The following SMCO4 variants were observed in gnomAD, a reference collection of about 807,000 sequenced individuals.
The protein encoded by SMCO4 is single-pass membrane protein with coiled-coil domains 4.
SMCO4 carries 4 observed loss-of-function variants against 3.6 expected under a neutral mutation model. The ratio of observed to expected loss-of-function variants is 1.11; its 90% CI spans 0.54 to 2.53. The LOEUF (loss-of-function observed/expected upper bound fraction) is 2.53. Ranked by LOEUF, SMCO4 falls within the 30% of genes most tolerant of loss-of-function variation. SMCO4 has a pLI of 0.02. For synonymous variants in SMCO4, 36 were observed against 35.3 expected, an observed-to-expected ratio of 1.02 and a Z score of -0.07; for missense variants, 70 against 80.8, an observed-to-expected ratio of 0.87 and a Z score of 0.51.
the SMCO4 span, among the ~76,000 whole-genome samples, chr11:93,549,451 TA>T: frequency 1.1e-3 from 165 of 152,206 alleles, 1 homozygote; most frequent in Middle Eastern, 6.8e-3. Flanking sequence ...AGGAAAGAGG[TA>T]AAAAAAATTT....
At chr11:93,500,977 G>C (rs1324769515) in intron 1 of SMCO4, among the ~76,000 whole-genome samples, 2 of 152,146 alleles carry the variant, frequency 1.3e-5, no homozygotes, top group Non-Finnish European at 2.9e-5. Flanking sequence ...ACAGCGACAG[G>C]GACACCAGCT....
chr11:93,541,827 T>C (rs1418974645), intron 1 of SMCO4, among the ~76,000 whole-genome samples: 1 of 152,224 alleles, frequency 6.6e-6, no homozygotes, highest in Non-Finnish European at 1.5e-5. Context: ...CTAAGGCTTA[T>C]TTTCTGTGGC....
chr11:93,523,792 G>A (rs1209857212), intron 1 of SMCO4, among the ~76,000 whole-genome samples: 7 of 152,166 alleles, frequency 4.6e-5, no homozygotes, highest in African/African-American at 7.2e-5. Context: ...TTCTAAAATC[G>A]TGTTTTGGCA....
chr11:93,550,936 A>G, the SMCO4 span, among the ~76,000 whole-genome samples: 1 of 152,172 alleles, frequency 6.6e-6, no homozygotes, highest in Non-Finnish European at 1.5e-5. Context: ...ATTTTTTAAC[A>G]TCAAAGGTGT....
intron 2 of SMCO4, among the ~76,000 whole-genome samples, chr11:93,490,784 G>A (rs752893158): frequency 3.3e-5 from 5 of 152,326 alleles, no homozygotes; most frequent in Non-Finnish European, 4.4e-5. Context: ...AAACCAATGC[G>A]TAGAAATTAT....
At chr11:93,543,510 T>TTCCCGGC (rs1225338514), upstream of SMCO4, 1 of 152,744 alleles carries the variant, frequency 6.5e-6, no homozygotes, top group Non-Finnish European at 1.5e-5. Context: ...CTCTTCCCCG[T>TTCCCGGC]TCCCGGCTCA....
intron 1 of SMCO4, among the ~76,000 whole-genome samples, chr11:93,516,844 A>G (rs1949012266): frequency 6.6e-6 from 1 of 152,166 alleles, no homozygotes; most frequent in African/African-American, 2.4e-5. Flanking sequence ...ACCCATTTAC[A>G]TTCGAGTAGT....
the SMCO4 span, among the ~76,000 whole-genome samples, chr11:93,548,873 G>A: frequency 2.0e-5 from 3 of 152,198 alleles, no homozygotes; most frequent in East Asian, 5.8e-4. Flanking sequence ...ACCCTCTAGA[G>A]GTTTCCCACT....
the SMCO4 span, among the ~76,000 whole-genome samples, chr11:93,549,542 G>A: frequency 1.3e-5 from 2 of 152,004 alleles, no homozygotes; most frequent in Non-Finnish European, 2.9e-5. Flanking sequence ...TCAACCTCCT[G>A]GGCTCAAACG....
intron 1 of SMCO4, among the ~76,000 whole-genome samples, chr11:93,510,992 C>T (rs1811530): frequency 0.14 from 21,166 of 151,838 alleles, 1,611 homozygotes; most frequent in Non-Finnish European, 0.17. Context: ...CCAGCTACTG[C>T]GGAGACTGAG....
chr11:93,545,496 G>C (rs776195248), upstream of SMCO4, among the ~76,000 whole-genome samples: 1 of 147,732 alleles, frequency 6.8e-6, no homozygotes, highest in Non-Finnish European at 1.5e-5. Context: ...CCTGAGGCAG[G>C]AGAATCACCT....
intron 2 of SMCO4, among the ~76,000 whole-genome samples, chr11:93,495,406 G>C (rs1345388820): frequency 2.6e-5 from 4 of 152,032 alleles, no homozygotes; most frequent in African/African-American, 4.8e-5. Context: ...ATGAAATTCA[G>C]GTACGTGCTT....
chr11:93,518,141 T>C (rs1325657486), intron 1 of SMCO4, among the ~76,000 whole-genome samples: 1 of 152,206 alleles, frequency 6.6e-6, no homozygotes, highest in East Asian at 1.9e-4. Context: ...ATTACTTTGC[T>C]TTTTCTCTAT....
At chr11:93,495,356 C>A (rs1031418342) in intron 2 of SMCO4, among the ~76,000 whole-genome samples, 3 of 151,962 alleles carry the variant, frequency 2.0e-5, no homozygotes, top group Admixed American at 2.0e-4. Flanking sequence ...CCATTAATTA[C>A]CTTGGGGAAG....
At chr11:93,517,454 T>C (rs1949017984) in intron 1 of SMCO4, among the ~76,000 whole-genome samples, 1 of 152,206 alleles carries the variant, frequency 6.6e-6, no homozygotes, top group African/African-American at 2.4e-5. Flanking sequence ...TGACTGCACA[T>C]GGTTATGGCA....
chr11:93,497,883 C>T (rs1183986240), intron 2 of SMCO4, among the ~76,000 whole-genome samples: 1 of 152,144 alleles, frequency 6.6e-6, no homozygotes, highest in Non-Finnish European at 1.5e-5. Context: ...GCAGAAAGGG[C>T]TGAGTCAAGT....
intron 1 of SMCO4, among the ~76,000 whole-genome samples, chr11:93,526,611 C>G (rs192502643): frequency 6.6e-6 from 1 of 152,264 alleles, no homozygotes; most frequent in East Asian, 1.9e-4. Flanking sequence ...TCTTCACATC[C>G]GCATCCATCC....
chr11:93,502,703 C>A (rs905659020), intron 1 of SMCO4, among the ~76,000 whole-genome samples: 1 of 152,034 alleles, frequency 6.6e-6, no homozygotes, highest in Non-Finnish European at 1.5e-5. Flanking sequence ...CACTAAGGAA[C>A]AAAACTTAAT....
chr11:93,536,012 T>G (rs914215845), intron 1 of SMCO4, among the ~76,000 whole-genome samples: 1 of 152,218 alleles, frequency 6.6e-6, no homozygotes, highest in Non-Finnish European at 1.5e-5. Flanking sequence ...ATTTGGCTAA[T>G]TGGTCTGTGC....
Sources: gnomAD v4.1 joint callset for allele counts (sites outside exome capture counted in the v4.1 genomes callset) on GRCh38, gnomAD v4.1.1 for gene constraint, MANE v1.5 for transcripts, NCBI Gene and HGNC (gene_info 2026-07-23, HGNC 2026-07-21) for gene names.